Variants in PCDHAC2 observed in about 807,000 individuals in gnomAD.
PCDHAC2 encodes the protein protocadherin alpha subfamily C, 2.
Under a neutral mutation model 63.3 loss-of-function variants are expected in PCDHAC2, and 24 were observed. The observed-to-expected ratio is 0.38, with a 90% CI of 0.27 to 0.53. The LOEUF (loss-of-function observed/expected upper bound fraction) is 0.53, where lower values mean the gene tolerates loss of function less well. Among genes scored for constraint, PCDHAC2 ranks in the 20% least tolerant of loss-of-function variants. PCDHAC2 has a pLI of 0.81. For missense variants in PCDHAC2, 1,181 were observed against 1,275.2 expected (o/e 0.93, Z 1.12); for synonymous variants, 569 against 529.4 (o/e 1.07, Z -1.03).
At chr5:140,990,537 A>G (rs2097398813) in intron 3 of PCDHAC2, among the ~76,000 whole-genome samples, 1 of 152,192 alleles carries the variant, frequency 6.6e-6, no homozygotes, top group Non-Finnish European at 1.5e-5. Flanking sequence ...TGTGCATCAT[A>G]GATACTGTAT....
In PCDHAC2 at chr5:140,967,210, C is replaced by A; in HGVS notation, c.444C>A (p.Phe148Leu). 1 of 1,613,674 alleles carries A rather than the reference C, an allele frequency of 6.2e-7. No homozygotes were observed. The highest frequency in any genetic ancestry group is 8.5e-7 in the Non-Finnish European group (1 of 1,179,838). Residue 148 changes from phenylalanine (F) to leucine (L), a missense_variant, in exon 1 of 4, where the codon TTC (phenylalanine) becomes TTA (leucine). Physicochemically the swap from Phe to Leu is conservative, Grantham distance 22. This residue lies in a region of PCDHAC2 where 968 missense variants were observed against 1,073.5 expected (regional missense o/e 0.90). Transcript: ENST00000289269. ...ILDINDNSPR[F>L]PRPNYQLQVS... ...ACATCAACGACAACTCACCGCGTTT[C>A]CCGCGGCCCAACTACCAGCTTCAGG...
chr5:140,973,242 ATTC>A (rs1295527172), intron 1 of PCDHAC2, among the ~76,000 whole-genome samples: 1 of 152,170 alleles, frequency 6.6e-6, no homozygotes, highest in Non-Finnish European at 1.5e-5. Context: ...GAAAGAGTTA[ATTC>A]TTCTTTCAGT....
At chr5:140,971,728 C>A (rs1221096186) in intron 1 of PCDHAC2, among the ~76,000 whole-genome samples, 2 of 151,550 alleles carry the variant, frequency 1.3e-5, no homozygotes, top group African/African-American at 2.4e-5. Flanking sequence ...GTATATCATA[C>A]ATATACACAT....
intron 3 of PCDHAC2, among the ~76,000 whole-genome samples, chr5:141,008,590 T>G (rs1259352249): frequency 6.6e-6 from 1 of 152,216 alleles, no homozygotes; most frequent in Non-Finnish European, 1.5e-5. Context: ...CAGGGCAGAT[T>G]TCACCTCCTC....
chr5:140,966,778 G>A lies in PCDHAC2; in HGVS notation c.12G>A (p.Ala4=). The A allele has an allele frequency of 6.6e-7, 1 of 1,512,496 alleles. No homozygotes were observed. The highest frequency in any genetic ancestry group is 8.8e-7 in the Non-Finnish European group (1 of 1,132,558). The allele number at this position is 1,512,496 out of a possible 1,614,324, so 93.7% of individuals were successfully genotyped here. The part of the protein sequence containing the change: MEQ[A]GTRPAATEHP... ...CGCGGCCAGTGGCTATGGAGCAGGC[G>A]GGCACCAGACCTGCGGCGACAGAGC... The change falls in exon 1 of 4, where the codon GCG becomes GCA. Residue 4 remains alanine, a synonymous_variant. Transcript: ENST00000289269.
chr5:141,007,275 T>C (rs1418814264), intron 3 of PCDHAC2, among the ~76,000 whole-genome samples: 2 of 151,338 alleles, frequency 1.3e-5, no homozygotes, highest in Non-Finnish European at 2.9e-5. Context: ...ACAGGCTGGG[T>C]GCAGTGGGCT....
At chr5:140,982,691 C>G in intron 3 of PCDHAC2, 128 bp downstream of exon 3, 1 of 1,408,152 alleles carries the variant, frequency 7.1e-7, no homozygotes, top group Non-Finnish European at 9.3e-7. Flanking sequence ...TTTTTCCATA[C>G]ATACATGATT....
chr5:140,970,751 T>G (rs2096430046), intron 1 of PCDHAC2, among the ~76,000 whole-genome samples: 1 of 152,232 alleles, frequency 6.6e-6, no homozygotes, highest in African/African-American at 2.4e-5. Flanking sequence ...GCAATATATT[T>G]TCATTGACAT....
In PCDHAC2 at chr5:140,966,863, C is replaced by G; in HGVS notation, c.97C>G (p.Leu33Val). The G allele has an allele frequency of 6.4e-7, 1 of 1,562,680 alleles. No homozygotes were observed. The highest frequency in any genetic ancestry group is 8.6e-7 in the Non-Finnish European group (1 of 1,164,646). Residue 33 changes from leucine to valine, a missense_variant, in exon 1 of 4, where the codon CTG becomes GTG. Transcript: ENST00000289269. ...GCTACTGCCTCTCCTGCTGCTGTTG[C>G]TGCTGCTGCTACCTGGCCCTGCGGC... is the stretch of plus-strand genomic sequence containing the variant. ...LLLLPLLLLLLLLLPGPAASQ... is the reference protein window; with the variant it reads ...LLLLPLLLLLVLLLPGPAASQ...
chr5:140,995,581 G>A (rs1268400169), intron 3 of PCDHAC2, among the ~76,000 whole-genome samples: 6 of 152,292 alleles, frequency 3.9e-5, no homozygotes, highest in Admixed American at 2.0e-4. Context: ...TGAGCTATGA[G>A]CTTTTAACTT....
chr5:141,006,207 T>C (rs1434083054), intron 3 of PCDHAC2, among the ~76,000 whole-genome samples: 4 of 150,998 alleles, frequency 2.6e-5, no homozygotes, highest in Non-Finnish European at 5.9e-5. Context: ...TTATGCCTCA[T>C]TTTTTTTTAA....
In PCDHAC2 at chr5:141,010,099, G is replaced by T; in HGVS notation, c.*162G>T. 5 of 1,612,768 alleles carry T rather than the reference G, an allele frequency of 3.1e-6. No individual in the cohort carries two copies. The highest frequency in any genetic ancestry group is 4.2e-6 in the Non-Finnish European group (5 of 1,179,316). On this transcript the variant is annotated 3_prime_UTR_variant, in exon 4 of 4. Coordinates refer to ENST00000289269, the MANE Select transcript of PCDHAC2 (RefSeq NM_018899.6). ...GTGTCTGTCTAGAACGCATTTAACA[G>T]GTTTTGTCGTAAAAGCTTTACTAAG...
chr5:141,008,515 A>G (rs1430400139), intron 3 of PCDHAC2, among the ~76,000 whole-genome samples: 1 of 152,126 alleles, frequency 6.6e-6, no homozygotes, highest in Non-Finnish European at 1.5e-5. Context: ...GTGTCTTCCA[A>G]TCAGACTCTT....
At chr5:140,979,102 C>G in intron 2 of PCDHAC2, 95 bp downstream of exon 2, 1 of 1,541,802 alleles carries the variant, frequency 6.5e-7, no homozygotes. Context: ...GCTGTCAAAA[C>G]TAAAAAGCTT....
chr5:140,969,073 G>T lies in PCDHAC2; in HGVS notation c.2307G>T (p.Pro769=), dbSNP rs781937942. ...ACAACAATATTGATGCCAGGATACC[G>T]CATGGCCTCAAAGTGCAGCCTCACT... ...QANNNIDARI[P]HGLKVQPHFI... The change falls in exon 1 of 4, where the codon CCG becomes CCT. Residue 769 remains proline, a synonymous_variant. Coordinates refer to ENST00000289269, the MANE Select transcript of PCDHAC2 (RefSeq NM_018899.6). 2.5e-6 allele frequency: 4 copies of T among 1,614,092 alleles called. No individual in the cohort carries two copies. Among genetic ancestry groups the T allele is most frequent in the South Asian group, 2.2e-5 (2 of 91,076 alleles).
chr5:140,983,444 TC>T (rs1554245415), intron 3 of PCDHAC2, among the ~76,000 whole-genome samples: 1 of 152,224 alleles, frequency 6.6e-6, no homozygotes. Context: ...TCTACTCTAA[TC>T]CTCTATTAAT....
chr5:141,006,383 T>C (rs1431976303), intron 3 of PCDHAC2, among the ~76,000 whole-genome samples: 1 of 151,992 alleles, frequency 6.6e-6, no homozygotes, highest in African/African-American at 2.4e-5. Context: ...GGCTAAGTTT[T>C]TTCTATTTTT....
intron 1 of PCDHAC2, among the ~76,000 whole-genome samples, chr5:140,975,053 A>G (rs2096651589): frequency 1.3e-5 from 2 of 152,144 alleles, no homozygotes; most frequent in Admixed American, 6.5e-5. Flanking sequence ...GGAAGAATCT[A>G]CTATCGAGCT....
chr5:141,007,498 G>A (rs936217793), intron 3 of PCDHAC2, among the ~76,000 whole-genome samples: 1 of 151,942 alleles, frequency 6.6e-6, no homozygotes. Flanking sequence ...GACCTAGGAG[G>A]CAGAGACTGC....
Sources: gnomAD v4.1 joint callset for allele counts (sites outside exome capture counted in the v4.1 genomes callset) on GRCh38, gnomAD v4.1.1 for gene constraint, gnomAD v4.1.1 regional missense constraint, MANE v1.5 for transcripts, NCBI Gene and HGNC (gene_info 2026-07-23, HGNC 2026-07-21) for gene names.